Variants in CCDC40 observed in about 807,000 individuals in gnomAD.
CCDC40 encodes coiled-coil domain-containing protein 40.
In CCDC40, 104 loss-of-function variants were observed where a neutral mutation model predicts 124.5. That is an observed-to-expected ratio of 0.84 (90% CI 0.71 to 0.98). The LOEUF (loss-of-function observed/expected upper bound fraction) is 0.98. Ranked by LOEUF, CCDC40 falls within the 50% of genes least tolerant of loss-of-function variation. The pLI is 0.00. For synonymous variants in CCDC40, 580 were observed against 602.9 expected, an observed-to-expected ratio of 0.96 and a Z score of 0.56; for missense variants, 1,463 against 1,503.9, an observed-to-expected ratio of 0.97 and a Z score of 0.45.
chr17:80,054,872 G>A (rs2037696593), intron 7 of CCDC40, among the ~76,000 whole-genome samples: 1 of 152,120 alleles, frequency 6.6e-6, no homozygotes, highest in Non-Finnish European at 1.5e-5. Flanking sequence ...CTACTCAGGA[G>A]GTTGAGACAG....
At chr17:80,047,159 AACAC>A in intron 3 of CCDC40, 116 bp from the exon 4 acceptor site, 2 of 1,179,940 alleles carry the variant, frequency 1.7e-6, no homozygotes, top group Non-Finnish European at 2.4e-6. Context: ...TTTTTTAAAA[AACAC>A]ACAGGTGACT....
chr17:80,098,486 A>T (rs2038851354), intron 19 of CCDC40, among the ~76,000 whole-genome samples: 1 of 152,248 alleles, frequency 6.6e-6, no homozygotes, highest in South Asian at 2.1e-4. Context: ...CAGGCTCTGC[A>T]TATGCGTTAT....
At chr17:80,068,029 T>C (rs1403621632) in intron 10 of CCDC40, 1 of 1,017,698 alleles carries the variant, frequency 9.8e-7, no homozygotes, top group East Asian at 9.3e-5. Context: ...CCAACTTTTA[T>C]TTATTATATT....
chr17:80,079,715 A>G (rs893813850), intron 10 of CCDC40, among the ~76,000 whole-genome samples: 1 of 150,570 alleles, frequency 6.6e-6, no homozygotes, highest in Non-Finnish European at 1.5e-5. Flanking sequence ...TGAGGTCAGG[A>G]GTTCGAGACC....
At chr17:80,064,532 A>C (rs1191783543) in intron 9 of CCDC40, among the ~76,000 whole-genome samples, 1 of 151,344 alleles carries the variant, frequency 6.6e-6, no homozygotes, top group Non-Finnish European at 1.5e-5. Context: ...CCGCTCCTGT[A>C]CCCATGTCAC....
intron 3 of CCDC40, chr17:80,040,678 CAAAAAA>C (rs34476860): frequency 3.1e-5 from 4 of 128,924 alleles, no homozygotes; most frequent in Admixed American, 1.6e-4. Flanking sequence ...GACCTTGTCT[CAAAAAA>C]AAAAAAAAAA....
At position 80,095,395 on chromosome 17, in the gene CCDC40, A is replaced by C. The variant is rs929525197; in HGVS notation, c.2965A>C (p.Thr989Pro). ...RKMDRKALTR[T>P]DFHHKQLELR... is the part of the protein sequence containing the mutation. ...GATGGACAGGAAGGCGCTCACCCGC[A>C]CCGACTTCCACCACAAGCAGCTTGA... Residue 989 changes from threonine to proline, a missense_variant, in exon 18 of 20, where the codon ACC (threonine) becomes CCC (proline). Thr to Pro is a conservative substitution (Grantham distance 38). Transcript: ENST00000397545. The C allele has an allele frequency of 1.2e-6, 2 of 1,614,128 alleles. No individual in the cohort carries two copies. Among genetic ancestry groups the C allele is most frequent in the Non-Finnish European group, 1.7e-6 (2 of 1,180,046 alleles).
chr17:80,090,393 T>A, intron 17 of CCDC40: 1 of 797,450 alleles, frequency 1.3e-6, no homozygotes. Flanking sequence ...ACACAGCACG[T>A]GCATGAACAA....
chr17:80,073,565 C>T (rs911981807), intron 10 of CCDC40, among the ~76,000 whole-genome samples: 1 of 152,170 alleles, frequency 6.6e-6, no homozygotes, highest in African/African-American at 2.4e-5. Flanking sequence ...GACTGCTCGC[C>T]GGCTGGCGTT....
chr17:80,036,707 G>A lies in CCDC40; in HGVS notation c.29+16G>A. 1 of 1,464,624 alleles carries A rather than the reference G, an allele frequency of 6.8e-7. No individual in the cohort carries two copies. Among genetic ancestry groups the A allele is most frequent in the South Asian group, 1.3e-5 (1 of 76,090 alleles). 90.7% of individuals were successfully genotyped at this position (1,464,624 alleles called of 1,614,324 possible). ...CGGCGGGCCGGTAAGCCGGGCCGAG[G>A]GGCAGCGGGTCTTGGAGTCGCCAGG... On this transcript the variant is annotated intron_variant, in intron 1 of 19. Transcript: ENST00000397545.
Position 80,086,340 on chromosome 17 carries a change from TA to T in CCDC40, c.2449+126del, listed in dbSNP as rs2038588553. 3 of 776,374 alleles carry T rather than the reference TA, an allele frequency of 3.9e-6. No homozygotes were observed. Among genetic ancestry groups the T allele is most frequent in the Admixed American group, 4.2e-5 (2 of 47,392 alleles). The allele number at this position is 776,374 out of a possible 1,614,324, so 48.1% of individuals were successfully genotyped here. On this transcript the variant is annotated intron_variant, in intron 14 of 19. Coordinates refer to ENST00000397545, the MANE Select transcript of CCDC40 (RefSeq NM_017950.4). The surrounding 1 kb of genome is among the most constrained non-coding windows in gnomAD (Gnocchi z 5.5). ...ATTTGCACGCAGCCTTAAAAGCAAA[TA>T]ACAAACGCGCATGCTCCCTGTATTT...
chr17:80,058,366 AC>A lies in CCDC40; in HGVS notation c.1160-125del. 3 of 765,554 alleles carry A rather than the reference AC, an allele frequency of 3.9e-6. No homozygotes were observed. Among genetic ancestry groups the A allele is most frequent in the Non-Finnish European group, 6.7e-6 (3 of 450,928 alleles). 47.4% of individuals were successfully genotyped at this position (765,554 alleles called of 1,614,324 possible). A position where few individuals can be genotyped will look rare whatever the true frequency, so the allele number is the denominator to read the frequency against. ...AGTTTAAAAGCAGTTTCCCAGTCTT[AC>A]CCAAAAATGGCAGGAAGGGTGCCCA... On this transcript the variant is annotated intron_variant, in intron 7 of 19. Coordinates refer to ENST00000397545, the MANE Select transcript of CCDC40 (RefSeq NM_017950.4). The surrounding 1 kb of genome is among the most constrained non-coding windows in gnomAD (Gnocchi z 4.2).
rs1303694595 is a variant in CCDC40, at chr17:80,065,488, T to A, written c.1444T>A (p.Cys482Ser). ...CCCCCTCCCCTGTTGGCTGCAGGCC[T>A]GCACCGAGATCGACGCCATCAGCGT... ...RILRKAVSEA[C>S]TEIDAISVEK... Residue 482 changes from cysteine (C) to serine (S), a missense_variant, in exon 10 of 20, where the codon TGC becomes AGC. Transcript: ENST00000397545. 6.2e-7 allele frequency: 1 copy of A among 1,611,426 alleles called. No individual in the cohort carries two copies. Among genetic ancestry groups the A allele is most frequent in the Non-Finnish European group, 8.5e-7 (1 of 1,179,262 alleles).
chr17:80,068,939 G>A (rs1347887822), intron 10 of CCDC40, among the ~76,000 whole-genome samples: 2 of 152,368 alleles, frequency 1.3e-5, no homozygotes, highest in South Asian at 4.1e-4. Context: ...AGGGCGGAAT[G>A]CCTGGGCCCC....
chr17:80,074,249 G>C (rs1050839952), intron 10 of CCDC40, among the ~76,000 whole-genome samples: 1 of 152,152 alleles, frequency 6.6e-6, no homozygotes, highest in African/African-American at 2.4e-5. Flanking sequence ...GGTGGCTCAC[G>C]CCTGTAATCC....
At chr17:80,051,488 G>A (rs1405744685) in intron 7 of CCDC40, among the ~76,000 whole-genome samples, 9 of 151,196 alleles carry the variant, frequency 6.0e-5, no homozygotes, top group Non-Finnish European at 1.2e-4. Flanking sequence ...AATTAGCCGG[G>A]CGTAGTGGCG....
intron 7 of CCDC40, among the ~76,000 whole-genome samples, chr17:80,057,038 C>CAA (rs34229653): frequency 0.35 from 37,775 of 109,396 alleles, 7,347 homozygotes; most frequent in African/African-American, 0.61. Context: ...GACTCTGTCT[C>CAA]AAAAAAAAAA....
chr17:80,079,881 C>T (rs909513960), intron 10 of CCDC40, among the ~76,000 whole-genome samples: 1 of 151,308 alleles, frequency 6.6e-6, no homozygotes, highest in African/African-American at 2.4e-5. Context: ...GCCGAGATCG[C>T]GCCACTGTAC....
intron 3 of CCDC40, among the ~76,000 whole-genome samples, chr17:80,040,921 G>A (rs1327055448): frequency 6.6e-6 from 1 of 152,116 alleles, no homozygotes; most frequent in Admixed American, 6.5e-5. Flanking sequence ...CGAGCTGGAG[G>A]AATGGAGCTT....
Sources: gnomAD v4.1 joint callset for allele counts (sites outside exome capture counted in the v4.1 genomes callset) on GRCh38, gnomAD v4.1.1 for gene constraint, Gnocchi (gnomAD v3.1) non-coding constraint, MANE v1.5 for transcripts, NCBI Gene and HGNC (gene_info 2026-07-23, HGNC 2026-07-21) for gene names.